CLDN18: variants seen among roughly 807,000 people sequenced by gnomAD.
The protein encoded by CLDN18 is claudin 18, also known as claudin-18.
Under a neutral mutation model 25.0 loss-of-function variants are expected in CLDN18, and 20 were observed. That is an observed-to-expected ratio of 0.80 (90% CI 0.56 to 1.16). CLDN18 has a LOEUF of 1.16. Among genes scored for constraint, CLDN18 ranks in the 50% most tolerant of loss-of-function variants. The pLI, the probability that CLDN18 is intolerant of heterozygous loss-of-function variation, is 0.00. For missense variants in CLDN18, 297 were observed against 345.4 expected, an observed-to-expected ratio of 0.86 and a Z score of 1.11; for synonymous variants, 125 against 135.6, an observed-to-expected ratio of 0.92 and a Z score of 0.54.
At chr3:138,007,758 AT>A (rs1349423245), upstream of CLDN18, among the ~76,000 whole-genome samples, 1 of 152,268 alleles carries the variant, frequency 6.6e-6, no homozygotes, top group Non-Finnish European at 1.5e-5. Flanking sequence ...GACTCTGTCT[AT>A]GGAAACAGTG....
At chr3:138,017,033 G>A (rs916584509) in intron 1 of CLDN18, among the ~76,000 whole-genome samples, 7 of 149,200 alleles carry the variant, frequency 4.7e-5, no homozygotes, top group Admixed American at 1.3e-4. Flanking sequence ...TCCAGCCTGG[G>A]TGATAGAGTG....
chr3:138,023,965 T>C, intron 2 of CLDN18, 143 bp downstream of exon 2: 1 of 825,602 alleles, frequency 1.2e-6, no homozygotes, highest in East Asian at 2.7e-5. Flanking sequence ...GGAGGTCCAA[T>C]TGTGTATCAT....
At chr3:138,021,164 G>A (rs2107885363) in intron 1 of CLDN18, among the ~76,000 whole-genome samples, 1 of 152,156 alleles carries the variant, frequency 6.6e-6, no homozygotes, top group Middle Eastern at 3.4e-3. Flanking sequence ...TGAAAACTAG[G>A]GCTGGACAGA....
chr3:138,009,971 C>T, upstream of CLDN18: 6 of 535,126 alleles, frequency 1.1e-5, no homozygotes, highest in Non-Finnish European at 1.6e-5. Flanking sequence ...CCTGGCACGG[C>T]TCTGCGCTGA....
At chr3:138,000,977 C>T (rs968283949) in intron 1 of CLDN18, among the ~76,000 whole-genome samples, 2 of 152,262 alleles carry the variant, frequency 1.3e-5, no homozygotes, top group Non-Finnish European at 2.9e-5. Context: ...GGGCTTCATT[C>T]TGCTTCACAA....
At chr3:138,008,957 G>T (rs756168877), upstream of CLDN18, among the ~76,000 whole-genome samples, 23 of 152,096 alleles carry the variant, frequency 1.5e-4, no homozygotes, top group Non-Finnish European at 2.8e-4. Context: ...GGATTCAGAG[G>T]CCAGACATAC....
Position 138,023,725 on chromosome 3 carries a change from A to G in CLDN18, c.288A>G (p.Val96=). ...TCCTGGGTGCCATTGGCCTCCTGGT[A>G]TCCATCTTTGCCCTGAAATGCATCC... The part of the protein sequence containing the change: ...GIVLGAIGLL[V]SIFALKCIRI... Residue 96 remains valine, a synonymous_variant, in exon 2 of 5, where the codon GTA becomes GTG. Coordinates refer to ENST00000183605, the MANE Select transcript of CLDN18 (RefSeq NM_016369.4). 6.2e-7 allele frequency: 1 copy of G among 1,614,086 alleles called. No individual in the cohort carries two copies. The highest frequency in any genetic ancestry group is 8.5e-7 in the Non-Finnish European group (1 of 1,180,008).
rs1032346447 is a variant in CLDN18, at chr3:138,010,216, G to A, written c.-10G>A. ...GCTTCTCGCAGGCGGCAGGGCGGGCGGCCAGGATCATGTCCACCACCACAT... is the reference window on the plus strand; with the variant it reads ...GCTTCTCGCAGGCGGCAGGGCGGGCAGCCAGGATCATGTCCACCACCACAT... On this transcript the variant is annotated 5_prime_UTR_variant, in exon 1 of 5. Transcript: ENST00000183605. The A allele has an allele frequency of 5.6e-6, 9 of 1,610,130 alleles. No homozygotes were observed. The highest frequency in any genetic ancestry group is 2.2e-5 in the East Asian group (1 of 44,772).
chr3:138,030,595 C>G (rs1433794656), intron 4 of CLDN18, among the ~76,000 whole-genome samples: 83 of 152,180 alleles, frequency 5.5e-4, no homozygotes, highest in Non-Finnish European at 2.4e-4. Flanking sequence ...CAATGTTCCC[C>G]TGGACATTGT....
At chr3:138,008,240 T>TGGGGGGGGAGTGTGGGGGTGTGG (rs1942090366), upstream of CLDN18, among the ~76,000 whole-genome samples, 1 of 123,562 alleles carries the variant, frequency 8.1e-6, no homozygotes. Flanking sequence ...TGGGGGTGTG[T>TGGGGGGGGAGTGTGGGGGTGTGG]GGGGGTGTGT....
chr3:138,013,989 TG>T (rs1576408730), intron 1 of CLDN18, among the ~76,000 whole-genome samples: 1 of 116,006 alleles, frequency 8.6e-6, no homozygotes, highest in Non-Finnish European at 1.8e-5. Flanking sequence ...AATATGGCCA[TG>T]GGGGTGGGGG....
At chr3:138,019,186 A>T (rs1476784584) in intron 1 of CLDN18, among the ~76,000 whole-genome samples, 1 of 152,190 alleles carries the variant, frequency 6.6e-6, no homozygotes, top group African/African-American at 2.4e-5. Flanking sequence ...TCCAGAATTG[A>T]GGACTTGTTT....
At chr3:138,012,454 C>A (rs1202111031) in intron 1 of CLDN18, among the ~76,000 whole-genome samples, 1 of 152,158 alleles carries the variant, frequency 6.6e-6, no homozygotes, top group Non-Finnish European at 1.5e-5. Context: ...ACCTACCTTC[C>A]TTGGCAGTCT....
rs112119320 is a variant in CLDN18 at position 138,012,425 on chromosome 3, C to T, written c.220+1980C>T. Among the ~76,000 whole-genome samples, 794 of 152,232 alleles carry T rather than the reference C, an allele frequency of 5.2e-3. 5 individuals carry two copies. Among genetic ancestry groups the T allele is most frequent in the African/African-American group, 0.018 (741 of 41,522 alleles). ...AGGTGCACACATAACAGCCTGACAC[C>T]AAGCCTTCCTAACCCCTCACCTACC... is the stretch of plus-strand genomic sequence containing the variant. On this transcript the variant is annotated intron_variant, in intron 1 of 4. Coordinates refer to ENST00000183605, the MANE Select transcript of CLDN18 (RefSeq NM_016369.4).
At chr3:138,009,907 G>A (rs982232873), upstream of CLDN18, 2 of 339,040 alleles carry the variant, frequency 5.9e-6, no homozygotes, top group Non-Finnish European at 1.1e-5. Context: ...CTCTCCGGAG[G>A]AGCCGGAGCT....
At chr3:138,023,848 C>T (rs758527566) in intron 2 of CLDN18, 26 bp downstream of exon 2, 38 of 1,590,740 alleles carry the variant, frequency 2.4e-5, no homozygotes, top group Non-Finnish European at 3.0e-5. Flanking sequence ...GGAGTTCCCA[C>T]TTCTGCGAAT....
chr3:138,009,747 G>T (rs1477294479), upstream of CLDN18, among the ~76,000 whole-genome samples: 1 of 152,238 alleles, frequency 6.6e-6, no homozygotes, highest in Non-Finnish European at 1.5e-5. Flanking sequence ...AGTCGTTCAT[G>T]AGTTGTGAGG....
intron 3 of CLDN18, among the ~76,000 whole-genome samples, chr3:138,027,343 A>G (rs1486667147): frequency 6.6e-6 from 1 of 152,198 alleles, no homozygotes; most frequent in Non-Finnish European, 1.5e-5. Flanking sequence ...TCTTCTATCT[A>G]GCTCACTTCA....
intron 1 of CLDN18, chr3:138,005,157 A>G (rs911722921): frequency 1.3e-5 from 2 of 152,254 alleles, no homozygotes; most frequent in Non-Finnish European, 1.5e-5. Flanking sequence ...CAAACTGACA[A>G]TTCAAGAAAA....
Sources: allele counts gnomAD v4.1 joint callset (sites outside exome capture counted in the v4.1 genomes callset), GRCh38; gene constraint gnomAD v4.1.1; transcripts MANE v1.5; gene names NCBI Gene and HGNC (gene_info 2026-07-23, HGNC 2026-07-21).